PEBP4: variants seen among roughly 807,000 people sequenced by gnomAD.
PEBP4 encodes the protein phosphatidylethanolamine-binding protein 4.
In PEBP4, 22 loss-of-function variants were observed where a neutral mutation model predicts 23.9. That is an observed-to-expected ratio of 0.92 (90% CI 0.66 to 1.31). The LOEUF is 1.31. Among genes scored for constraint, PEBP4 ranks in the 40% most tolerant of loss-of-function variants. The pLI is 0.00. For synonymous variants in PEBP4, 112 were observed against 99.3 expected (o/e 1.13, Z -0.76); for missense variants, 324 against 281.7 (o/e 1.15, Z -1.07).
intron 4 of PEBP4, among the ~76,000 whole-genome samples, chr8:22,795,161 ATATTTTTTTTTTT>A (rs1278654216): frequency 1.2e-4 from 3 of 25,824 alleles, no homozygotes; most frequent in Admixed American, 6.4e-4. Context: ...ATATATATAT[ATATTTTTTTTTTT>A]TTTTTTTTTT....
chr8:22,841,438 T>G (rs1370470377), intron 3 of PEBP4, among the ~76,000 whole-genome samples: 1 of 152,380 alleles, frequency 6.6e-6, no homozygotes, highest in South Asian at 2.1e-4. Context: ...TATTTTGTCA[T>G]TGATAGGGAA....
At chr8:22,763,925 A>T (rs908968861) in intron 4 of PEBP4, among the ~76,000 whole-genome samples, 41 of 152,312 alleles carry the variant, frequency 2.7e-4, no homozygotes, top group African/African-American at 9.9e-4. Context: ...GGAGAGAGCC[A>T]TGAAGAAGAC....
chr8:22,870,371 A>T (rs1807984061), intron 3 of PEBP4, among the ~76,000 whole-genome samples: 1 of 152,232 alleles, frequency 6.6e-6, no homozygotes, highest in African/African-American at 2.4e-5. Flanking sequence ...ACTATACAAC[A>T]TTCTCAAAAA....
At chr8:22,915,863 G>A (rs1809061470) in intron 3 of PEBP4, among the ~76,000 whole-genome samples, 2 of 152,246 alleles carry the variant, frequency 1.3e-5, no homozygotes, top group African/African-American at 4.8e-5. Flanking sequence ...TGTATACAGA[G>A]AAGGGTTGGT....
At chr8:22,766,145 C>T (rs1253044919) in intron 4 of PEBP4, among the ~76,000 whole-genome samples, 7 of 152,364 alleles carry the variant, frequency 4.6e-5, no homozygotes, top group South Asian at 2.1e-4. Flanking sequence ...CTCACCCTCA[C>T]GCCACAGTCT....
chr8:22,802,970 C>T (rs1046460564), intron 4 of PEBP4, among the ~76,000 whole-genome samples: 4 of 152,134 alleles, frequency 2.6e-5, no homozygotes, highest in African/African-American at 7.2e-5. Flanking sequence ...AGCTAGCAAG[C>T]GGCCCAGCAT....
chr8:22,835,194 T>C (rs1807176265), intron 3 of PEBP4, among the ~76,000 whole-genome samples: 1 of 152,192 alleles, frequency 6.6e-6, no homozygotes, highest in South Asian at 2.1e-4. Flanking sequence ...ATCTGCAAAA[T>C]GGCAATAATA....
intron 6 of PEBP4, among the ~76,000 whole-genome samples, chr8:22,722,386 C>G (rs1389728170): frequency 6.6e-6 from 1 of 152,138 alleles, no homozygotes; most frequent in African/African-American, 2.4e-5. Flanking sequence ...CATTGATTGG[C>G]CTCAAAGTGA....
At chr8:22,770,907 A>C (rs866926139) in intron 4 of PEBP4, among the ~76,000 whole-genome samples, 1 of 152,220 alleles carries the variant, frequency 6.6e-6, no homozygotes, top group African/African-American at 2.4e-5. Flanking sequence ...TTCTTGAGCA[A>C]GTCACCTAAA....
chr8:22,759,755 A>T (rs896123363), intron 4 of PEBP4, among the ~76,000 whole-genome samples: 2 of 152,160 alleles, frequency 1.3e-5, no homozygotes, highest in African/African-American at 4.8e-5. Context: ...CCAGCCATGG[A>T]GACTGCTCCC....
At chr8:22,816,812 A>G (rs1300614452) in intron 4 of PEBP4, among the ~76,000 whole-genome samples, 3 of 152,222 alleles carry the variant, frequency 2.0e-5, no homozygotes, top group Non-Finnish European at 4.4e-5. Context: ...GTTTGAGGCT[A>G]GTGTGGACTT....
At chr8:22,785,160 G>T (rs1025595992) in intron 4 of PEBP4, among the ~76,000 whole-genome samples, 1 of 152,160 alleles carries the variant, frequency 6.6e-6, no homozygotes, top group Non-Finnish European at 1.5e-5. Flanking sequence ...ACGGGGGCCC[G>T]GCAACTTCTC....
At chr8:22,826,549 A>C (rs144782908) in intron 3 of PEBP4, among the ~76,000 whole-genome samples, 1 of 152,344 alleles carries the variant, frequency 6.6e-6, no homozygotes, top group African/African-American at 2.4e-5. Context: ...AATGATATGT[A>C]CTCAGAGTGG....
Position 22,933,645 on chromosome 8 carries a change from C to A in PEBP4, c.145-5925G>T, listed in dbSNP as rs115549203. On this transcript the variant is annotated intron_variant, in intron 1 of 1. Coordinates refer to the PEBP4 transcript ENST00000522278. ...AAAAGCTTAGGGAGTTGATTACCAC[C>A]AGCACTGCCCTGCAAGAAATGCTGA... is the stretch of plus-strand genomic sequence containing the variant. 7.3e-3 allele frequency among the ~76,000 whole-genome samples: 1,108 copies of A among 152,322 alleles called. 17 individuals carry two copies. The highest frequency in any genetic ancestry group is 0.026 in the African/African-American group (1,079 of 41,566).
upstream of PEBP4, chr8:22,928,004 T>A: frequency 2.6e-6 from 1 of 378,868 alleles, no homozygotes; most frequent in South Asian, 2.9e-5. Flanking sequence ...TTGTCCTGGC[T>A]GCCAGGGCAG....
intron 3 of PEBP4, among the ~76,000 whole-genome samples, chr8:22,849,902 C>A (rs893135567): frequency 6.6e-6 from 1 of 152,024 alleles, no homozygotes; most frequent in African/African-American, 2.4e-5. Flanking sequence ...GGAGAGAGGA[C>A]CTCAGTGTAC....
chr8:22,727,819 G>GT (rs1804648386), intron 4 of PEBP4, among the ~76,000 whole-genome samples: 1 of 152,124 alleles, frequency 6.6e-6, no homozygotes, highest in African/African-American at 2.4e-5. Flanking sequence ...CCCTGGGGCA[G>GT]TTTCTTTGGC....
chr8:22,731,092 C>T (rs1444914189), intron 4 of PEBP4, among the ~76,000 whole-genome samples: 6 of 152,284 alleles, frequency 3.9e-5, no homozygotes, highest in South Asian at 4.1e-4. Context: ...AAAAGGAACT[C>T]GTTTAAATGC....
At chr8:22,848,327 G>A (rs1807482094) in intron 3 of PEBP4, among the ~76,000 whole-genome samples, 1 of 152,158 alleles carries the variant, frequency 6.6e-6, no homozygotes. Context: ...GAGGAGTAGG[G>A]AGGCAGGGGA....
Sources: gnomAD v4.1 joint callset for allele counts (sites outside exome capture counted in the v4.1 genomes callset) on GRCh38, gnomAD v4.1.1 for gene constraint, MANE v1.5 for transcripts, NCBI Gene and HGNC (gene_info 2026-07-23, HGNC 2026-07-21) for gene names.